ENTPD1: variants seen among roughly 807,000 people sequenced by gnomAD.
The protein encoded by ENTPD1 is ectonucleoside triphosphate diphosphohydrolase 1.
In ENTPD1, 33 loss-of-function variants were observed where a neutral mutation model predicts 57.0. That is an observed-to-expected ratio of 0.58 (90% CI 0.44 to 0.77). ENTPD1 has a LOEUF of 0.77. ENTPD1 is among the 30% of genes least tolerant of loss of function. The pLI is 0.00. For synonymous variants in ENTPD1, 202 were observed against 218.8 expected, an observed-to-expected ratio of 0.92 and a Z score of 0.68; for missense variants, 501 against 603.4, an observed-to-expected ratio of 0.83 and a Z score of 1.78.
At chr10:95,722,562 T>C (rs907569194) in intron 1 of ENTPD1, among the ~76,000 whole-genome samples, 2 of 149,306 alleles carry the variant, frequency 1.3e-5, no homozygotes, top group Non-Finnish European at 2.9e-5. Context: ...AACCAAACAC[T>C]GCATATTCTC....
intron 1 of ENTPD1, among the ~76,000 whole-genome samples, chr10:95,731,241 A>G (rs7094484): frequency 0.54 from 81,843 of 151,880 alleles, 22,470 homozygotes; most frequent in Admixed American, 0.63. Flanking sequence ...CTGGGTCCTG[A>G]GAGACCGGCC....
At chr10:95,810,412 G>A (rs1361712030) in intron 1 of ENTPD1, among the ~76,000 whole-genome samples, 7 of 149,002 alleles carry the variant, frequency 4.7e-5, no homozygotes, top group Admixed American at 1.3e-4. Context: ...TGGACAGGGC[G>A]GCTGGGCAGA....
At chr10:95,833,608 T>C (rs1046259678) in intron 2 of ENTPD1, 1 of 152,246 alleles carries the variant, frequency 6.6e-6, no homozygotes, top group South Asian at 2.1e-4. Flanking sequence ...TGATCATACT[T>C]GCCTGTGTTA....
intron 1 of ENTPD1, among the ~76,000 whole-genome samples, chr10:95,717,336 GGTTTTTTT>G (rs1314586469): frequency 2.1e-5 from 2 of 95,054 alleles, no homozygotes; most frequent in African/African-American, 3.6e-5. Context: ...GGATCTGCAG[GGTTTTTTT>G]TTTTTTTTTT....
rs117423524 is a variant in ENTPD1 at position 95,734,446 on chromosome 10, G to A, written c.37+22453G>A. On this transcript the variant is annotated intron_variant, in intron 1 of 9. Transcript: ENST00000453258. ...GCAGAATATGGCAAGGGCTCTAGGGGAGGCTAAGCAATGGAATGTATCTAT... is the reference window on the plus strand; with the variant it reads ...GCAGAATATGGCAAGGGCTCTAGGGAAGGCTAAGCAATGGAATGTATCTAT... 2.0e-5 allele frequency among the ~76,000 whole-genome samples: 3 copies of A among 152,338 alleles called. No homozygotes were observed. In the East Asian group the frequency reaches 5.8e-4, roughly 29 times the overall value.
chr10:95,843,217 C>T (rs1328541467), intron 4 of ENTPD1: 2 of 152,314 alleles, frequency 1.3e-5, no homozygotes, highest in African/African-American at 4.8e-5. Flanking sequence ...ATATGTCAGG[C>T]ACTGTTCTAA....
chr10:95,854,321 G>A (rs1199351732), intron 7 of ENTPD1, among the ~76,000 whole-genome samples: 1 of 151,852 alleles, frequency 6.6e-6, no homozygotes, highest in Non-Finnish European at 1.5e-5. Context: ...ATTCTTCCCT[G>A]TTTTCTTCTT....
At chr10:95,729,581 A>T (rs958649310) in intron 1 of ENTPD1, among the ~76,000 whole-genome samples, 1 of 152,224 alleles carries the variant, frequency 6.6e-6, no homozygotes, top group African/African-American at 2.4e-5. Context: ...CCTTCCCAGA[A>T]AAATTTCCTA....
chr10:95,710,413 T>C (rs545654901), upstream of ENTPD1, among the ~76,000 whole-genome samples: 50 of 152,224 alleles, frequency 3.3e-4, no homozygotes, highest in African/African-American at 9.6e-4. Flanking sequence ...AAAAAAAATT[T>C]TTTTTAATGA....
chr10:95,712,994 G>A (rs575387856), intron 1 of ENTPD1, among the ~76,000 whole-genome samples: 62 of 149,838 alleles, frequency 4.1e-4, no homozygotes, highest in Admixed American at 1.8e-3. Context: ...AGATTGCGCC[G>A]CTGCACTCCA....
chr10:95,865,548 C>G (rs1272936429), intron 9 of ENTPD1, among the ~76,000 whole-genome samples: 2 of 152,186 alleles, frequency 1.3e-5, no homozygotes, highest in Non-Finnish European at 2.9e-5. Context: ...ATGGTGATTT[C>G]AAGCAAAACA....
Position 95,847,544 on chromosome 10 carries a change from ATT to A in ENTPD1, c.914_915del (p.Phe305Ter). 6.2e-7 allele frequency: 1 copy of A among 1,614,116 alleles called. No individual in the cohort carries two copies. Among genetic ancestry groups the A allele is most frequent in the Non-Finnish European group, 8.5e-7 (1 of 1,180,022 alleles). Reference sequence around the variant, plus strand: ...TTTACAAGACCCCCTGCACCAAGAGATTTGAGATGACTCTTCCATTCCAGCAG... The same window carrying A: ...TTTACAAGACCCCCTGCACCAAGAGATGAGATGACTCTTCCATTCCAGCAG... ...DLYKTPCTKR[F>X]EMTLPFQQFE... On this transcript the variant is annotated frameshift_variant, in exon 7 of 10. Transcript: ENST00000371205. LOFTEE classifies it high-confidence loss of function.
At chr10:95,706,098 C>CAAAACA in the ENTPD1 span, among the ~76,000 whole-genome samples, 1 of 151,578 alleles carries the variant, frequency 6.6e-6, no homozygotes, top group Non-Finnish European at 1.5e-5. Context: ...GACCTTGTCT[C>CAAAACA]AAAACAAAAA....
intron 2 of ENTPD1, among the ~76,000 whole-genome samples, chr10:95,838,231 C>T (rs575814792): frequency 1.3e-5 from 2 of 152,154 alleles, no homozygotes; most frequent in South Asian, 2.1e-4. Flanking sequence ...TTTTTTAATC[C>T]TGAGTAAGCC....
In ENTPD1 at chr10:95,747,571, C is replaced by G. The variant is rs1004818733; in HGVS notation, c.37+35578C>G. Among the ~76,000 whole-genome samples, 9 of 152,152 alleles carry G rather than the reference C, an allele frequency of 5.9e-5. No homozygotes were observed. In the South Asian group the frequency reaches 1.7e-3, roughly 28 times the overall value. On this transcript the variant is annotated intron_variant, in intron 1 of 9. Coordinates refer to the ENTPD1 transcript ENST00000453258. Reference sequence around the variant, plus strand: ...TGGCCCCTAATGATGCAGAAACTACCATTACTACTTAGTCCAATTTATGTG... The same window carrying G: ...TGGCCCCTAATGATGCAGAAACTACGATTACTACTTAGTCCAATTTATGTG...
intron 1 of ENTPD1, among the ~76,000 whole-genome samples, chr10:95,798,743 A>G (rs141877178): frequency 1.2e-4 from 18 of 152,316 alleles, no homozygotes; most frequent in African/African-American, 4.3e-4. Context: ...GTACCATAAT[A>G]TATTCTTCCT....
At chr10:95,776,386 C>T (rs1385116785) in intron 1 of ENTPD1, among the ~76,000 whole-genome samples, 1 of 152,154 alleles carries the variant, frequency 6.6e-6, no homozygotes, top group African/African-American at 2.4e-5. Flanking sequence ...TTTATTTCTC[C>T]TTCACTTATG....
intron 1 of ENTPD1, among the ~76,000 whole-genome samples, chr10:95,779,879 T>G (rs938848567): frequency 7.9e-5 from 12 of 152,234 alleles, no homozygotes; most frequent in Non-Finnish European, 1.3e-4. Context: ...ACTTGGTATA[T>G]ATTATTTCAT....
intron 7 of ENTPD1, among the ~76,000 whole-genome samples, chr10:95,855,450 T>C (rs1187702979): frequency 6.6e-6 from 1 of 151,214 alleles, no homozygotes; most frequent in Non-Finnish European, 1.5e-5. Context: ...AAGGTTAATA[T>C]TGTTATGTGT....
Sources: allele counts gnomAD v4.1 joint callset (sites outside exome capture counted in the v4.1 genomes callset), GRCh38; gene constraint gnomAD v4.1.1; transcripts MANE v1.5; gene names NCBI Gene and HGNC (gene_info 2026-07-23, HGNC 2026-07-21).